Variants in ASIC3 observed in about 807,000 individuals in gnomAD.
ASIC3 encodes acid sensing ion channel subunit 3, also known as acid-sensing ion channel 3.
A neutral mutation model predicts 58.6 loss-of-function variants in ASIC3; 46 were observed. That is an observed-to-expected ratio of 0.79 (90% CI 0.62 to 1.00). The LOEUF (loss-of-function observed/expected upper bound fraction) is 1.00, where lower values mean the gene tolerates loss of function less well. Among genes scored for constraint, ASIC3 ranks in the 50% least tolerant of loss-of-function variants. The probability of loss-of-function intolerance (pLI) is 0.00; values close to 1 mark genes in which losing one functional copy is unlikely to be tolerated. For missense variants in ASIC3, 770 were observed against 735.0 expected (o/e 1.05, Z -0.55); for synonymous variants, 336 against 300.2 (o/e 1.12, Z -1.23).
In ASIC3 at chr7:151,051,289, G is replaced by C; in HGVS notation, c.1184G>C (p.Arg395Pro). 6.6e-7 allele frequency: 1 copy of C among 1,524,058 alleles called. No individual in the cohort carries two copies. The highest frequency in any genetic ancestry group is 1.2e-5 in the South Asian group (1 of 82,602). The allele number at this position is 1,524,058 out of a possible 1,614,324, so 94.4% of individuals were successfully genotyped here. A position where few individuals can be genotyped will look rare whatever the true frequency, so the allele number is the denominator to read the frequency against. Residue 395 changes from arginine to proline, a missense_variant, in exon 6 of 11, where the codon CGG (arginine) becomes CCG (proline). By Grantham distance (103) the Arg-to-Pro change is moderately radical (BLOSUM62 -2). Transcript: ENST00000349064. ...PSRAAARFLARKLNRSEAYIA... is the reference protein window; with the variant it reads ...PSRAAARFLAPKLNRSEAYIA... Reference sequence around the variant, plus strand: ...CGCGCCGCCGCGCGCTTCCTGGCCCGGAAGCTCAACCGCAGCGAGGCCTAC... The same window carrying C: ...CGCGCCGCCGCGCGCTTCCTGGCCCCGAAGCTCAACCGCAGCGAGGCCTAC...
rs374163546 is a variant in ASIC3, at chr7:151,048,940, G to A, written c.55G>A (p.Val19Met). 3.2e-5 allele frequency: 51 copies of A among 1,582,152 alleles called. No individual in the cohort carries two copies. Among genetic ancestry groups the A allele is most frequent in the African/African-American group, 2.0e-4 (15 of 74,418 alleles). The change falls in exon 1 of 11, where the codon GTG (valine) becomes ATG (methionine). Residue 19 changes from valine to methionine, a missense_variant. Transcript: ENST00000349064. ...EARRPASDIR[V>M]FASNCSMHGL... The stretch of plus-strand genomic sequence containing the variant: ...CCGGCGGCCAGCCTCGGACATCCGC[G>A]TGTTCGCCAGCAACTGCTCGATGCA...
rs780339201 is a variant in ASIC3, at chr7:151,051,269, C to G, written c.1164C>G (p.Ala388=). 4 of 1,530,390 alleles carry G rather than the reference C, an allele frequency of 2.6e-6. No individual in the cohort carries two copies. Among genetic ancestry groups the G allele is most frequent in the Middle Eastern group, 2.0e-4 (1 of 5,012 alleles). The allele number at this position is 1,530,390 out of a possible 1,614,324, so 94.8% of individuals were successfully genotyped here. A position where few individuals can be genotyped will look rare whatever the true frequency, so the allele number is the denominator to read the frequency against. The change falls in exon 6 of 11, where the codon GCC becomes GCG. Residue 388 remains alanine, a synonymous_variant. Coordinates refer to ENST00000349064, the MANE Select transcript of ASIC3 (RefSeq NM_004769.4). ...ELSMVRIPSR[A]AARFLARKLN... ...CCATGGTGCGGATCCCGAGCCGCGCCGCCGCGCGCTTCCTGGCCCGGAAGC... is the reference window on the plus strand; with the variant it reads ...CCATGGTGCGGATCCCGAGCCGCGCGGCCGCGCGCTTCCTGGCCCGGAAGC...
rs115179904 is a variant in ASIC3, at chr7:151,051,873, G to T, written c.1278G>T (p.Lys426Asn). Residue 426 changes from lysine (K) to asparagine (N), a missense_variant, in exon 7 of 11, where the codon AAG becomes AAT. By Grantham distance (94) the Lys-to-Asn change is moderately conservative. Coordinates refer to ENST00000349064, the MANE Select transcript of ASIC3 (RefSeq NM_004769.4). ...TCAACTATGAGACCGTGGAGCAGAA[G>T]AAGGCCTATGAGATGTCAGAGCTGC... ...EALNYETVEQ[K>N]KAYEMSELLG... 5.6e-6 allele frequency: 9 copies of T among 1,613,926 alleles called. No homozygotes were observed. In the Admixed American group the frequency reaches 8.3e-5, roughly 15 times the overall value.
At position 151,052,205 on chromosome 7, in the gene ASIC3, C is replaced by G; in HGVS notation, c.1426C>G (p.Gln476Glu). 1 of 1,614,092 alleles carries G rather than the reference C, an allele frequency of 6.2e-7. No homozygotes were observed. The highest frequency in any genetic ancestry group is 1.1e-5 in the South Asian group (1 of 91,078). ...GGTCCTGGGATATTTCTGGAACCGA[C>G]AGCACTCCCAAAGGCACTCCAGCAC... ...DKVLGYFWNR[Q>E]HSQRHSSTNL... The change falls in exon 9 of 11, where the codon CAG becomes GAG. Residue 476 changes from glutamine to glutamate, a missense_variant. By Grantham distance (29) the Gln-to-Glu change is conservative. Coordinates refer to ENST00000349064, the MANE Select transcript of ASIC3 (RefSeq NM_004769.4). The surrounding 1 kb of genome is among the most constrained non-coding windows in gnomAD (Gnocchi z 5.0).
Position 151,052,579 on chromosome 7 carries a change from C to A in ASIC3, c.1523C>A (p.Pro508His), listed in dbSNP as rs767321824. Residue 508 changes from proline to histidine, a missense_variant, in exon 11 of 11, where the codon CCC (proline) becomes CAC (histidine). Pro to His is a moderately conservative substitution (Grantham distance 77, BLOSUM62 -2). Coordinates refer to ENST00000349064, the MANE Select transcript of ASIC3 (RefSeq NM_004769.4). The surrounding 1 kb of genome is among the most constrained non-coding windows in gnomAD (Gnocchi z 5.0). The stretch of plus-strand genomic sequence containing the variant: ...CACTCTGCTCTGTTCCGAAGACCTC[C>A]CACCCCTCCCTGTGCCGTCACCAAG... ...VPHLSLGPRPPTPPCAVTKTL... is the reference protein window; with the variant it reads ...VPHLSLGPRPHTPPCAVTKTL... The A allele has an allele frequency of 1.2e-6, 2 of 1,613,976 alleles. No homozygotes were observed. Among genetic ancestry groups the A allele is most frequent in the Admixed American group, 3.3e-5 (2 of 60,002 alleles).
Position 151,052,100 on chromosome 7 carries a change from G to A in ASIC3, c.1386+38G>A, listed in dbSNP as rs370096272. The A allele has an allele frequency of 1.9e-5, 31 of 1,612,382 alleles. No individual in the cohort carries two copies. Among genetic ancestry groups the A allele is most frequent in the Admixed American group, 5.0e-5 (3 of 59,984 alleles). ...CCCCACTGCAGGGGGTGGGAGGTGGGAATCAGGGCCCCTAGGATGAGGGGG... is the reference window on the plus strand; with the variant it reads ...CCCCACTGCAGGGGGTGGGAGGTGGAAATCAGGGCCCCTAGGATGAGGGGG... On this transcript the variant is annotated intron_variant, in intron 8 of 10. Coordinates refer to ENST00000349064, the MANE Select transcript of ASIC3 (RefSeq NM_004769.4). The surrounding 1 kb of genome is among the most constrained non-coding windows in gnomAD (Gnocchi z 5.0).
rs1796798969 is a variant in ASIC3 at position 151,052,160 on chromosome 7, C to T, written c.1387-6C>T. 4 of 1,613,922 alleles carry T rather than the reference C, an allele frequency of 2.5e-6. No homozygotes were observed. Among genetic ancestry groups the T allele is most frequent in the Non-Finnish European group, 3.4e-6 (4 of 1,179,982 alleles). On this transcript the variant is annotated splice_region_variant and splice_polypyrimidine_tract_variant and intron_variant, in intron 8 of 10. Transcript: ENST00000349064. This position sits in a 1 kb window ranked among gnomAD's most constrained non-coding sequence, Gnocchi z 5.0. ...ACTGGCCACCTCCCATCCTGCTTGC[C>T]TCCAGGTGTTCCGAGACAAGGTCCT...
rs777603969 is a variant in ASIC3, at chr7:151,049,339, C to T, written c.454C>T (p.Arg152Cys). ...CTTTGACATGGCGCAACTCTATGCCCGTGCTGGGCACTCCCTGGATGACAT... is the reference window on the plus strand; with the variant it reads ...CTTTGACATGGCGCAACTCTATGCCTGTGCTGGGCACTCCCTGGATGACAT... The part of the protein sequence containing the change: ...PTFDMAQLYA[R>C]AGHSLDDMLL... The change falls in exon 1 of 11, where the codon CGT becomes TGT. Residue 152 changes from arginine to cysteine, a missense_variant. Coordinates refer to ENST00000349064, the MANE Select transcript of ASIC3 (RefSeq NM_004769.4). 105 of 1,612,892 alleles carry T rather than the reference C, an allele frequency of 6.5e-5. No homozygotes were observed. Among genetic ancestry groups the T allele is most frequent in the South Asian group, 4.8e-4 (44 of 91,068 alleles).
At chr7:151,051,580 GGGGGA>G (rs1335837166) in intron 6 of ASIC3, among the ~76,000 whole-genome samples, 8 of 151,020 alleles carry the variant, frequency 5.3e-5, no homozygotes, top group South Asian at 4.2e-4. Flanking sequence ...GGCGGGGGGC[GGGGGA>G]GGGGAGGGGA....
intron 6 of ASIC3, 40 bp downstream of exon 6, chr7:151,051,359 G>A (rs904418739): frequency 1.4e-6 from 2 of 1,436,008 alleles, no homozygotes; most frequent in Admixed American, 6.1e-5. Context: ...CGAGCCGGGG[G>A]CTCCCGACGG....
rs1796802970 is a variant in ASIC3, at chr7:151,052,361, C to A, written c.1459-55C>A. On this transcript the variant is annotated intron_variant, in intron 9 of 10. Transcript: ENST00000349064. The surrounding 1 kb of genome is among the most constrained non-coding windows in gnomAD (Gnocchi z 5.0). The stretch of plus-strand genomic sequence containing the variant: ...GCAGGAGGGTGTGCAGTGACCTCGA[C>A]TGGTCCCTGGGAGGAGGACCACTCC... 8 of 1,613,022 alleles carry A rather than the reference C, an allele frequency of 5.0e-6. No individual in the cohort carries two copies. Among genetic ancestry groups the A allele is most frequent in the Non-Finnish European group, 6.8e-6 (8 of 1,179,694 alleles).
At position 151,048,900 on chromosome 7, in the gene ASIC3, A is replaced by G. The variant is rs773323287; in HGVS notation, c.15A>G (p.Ser5=). The change falls in exon 1 of 11, where the codon TCA becomes TCG. Residue 5 remains serine, a synonymous_variant. Coordinates refer to ENST00000349064, the MANE Select transcript of ASIC3 (RefSeq NM_004769.4). MKPT[S]GPEEARRPAS... ...GGGTTCTGGCCATGAAGCCCACCTC[A>G]GGCCCAGAGGAGGCCCGGCGGCCAG... The G allele has an allele frequency of 1.3e-6, 2 of 1,553,254 alleles. No individual in the cohort carries two copies. Among genetic ancestry groups the G allele is most frequent in the Admixed American group, 3.6e-5 (2 of 54,938 alleles).
chr7:151,051,715 T>G, intron 6 of ASIC3, 95 bp from the exon 7 acceptor site: 3 of 1,300,850 alleles, frequency 2.3e-6, no homozygotes, highest in Non-Finnish European at 3.3e-6. Flanking sequence ...TCTCCCAGGG[T>G]TCTTGAAAGG....
At position 151,050,861 on chromosome 7, in the gene ASIC3, C is replaced by T. The variant is rs201646704; in HGVS notation, c.917C>T (p.Pro306Leu). ...CCCCTAGGCTCCCCCAGCCCCAGCC[C>T]CAGCCCTCCCTATACCCTTATGGGG... ...SDPLGSPSPS[P>L]SPPYTLMGCR... Residue 306 changes from proline (P) to leucine (L), a missense_variant, in exon 4 of 11, where the codon CCC (proline) becomes CTC (leucine). Transcript: ENST00000349064. 1 of 1,613,330 alleles carries T rather than the reference C, an allele frequency of 6.2e-7. No individual in the cohort carries two copies. The highest frequency in any genetic ancestry group is 1.7e-5 in the Admixed American group (1 of 60,010).
In ASIC3 at chr7:151,052,753, C is replaced by T. The variant is rs761211712; in HGVS notation, c.*101C>T. 6.2e-7 allele frequency: 1 copy of T among 1,612,014 alleles called. No homozygotes were observed. The highest frequency in any genetic ancestry group is 2.2e-5 in the East Asian group (1 of 44,814). On this transcript the variant is annotated 3_prime_UTR_variant, in exon 11 of 11. Transcript: ENST00000349064. This position sits in a 1 kb window ranked among gnomAD's most constrained non-coding sequence, Gnocchi z 5.0. ...CACCCCAAATAAAGTCCTAATGCAT[C>T]AGCCTCAGCTGTTTCTCTTACAGGG...
rs946957463 is a variant in ASIC3 at position 151,052,321 on chromosome 7, G to T, written c.1458+84G>T. On this transcript the variant is annotated intron_variant, in intron 9 of 10. Coordinates refer to ENST00000349064, the MANE Select transcript of ASIC3 (RefSeq NM_004769.4). The surrounding 1 kb of genome is among the most constrained non-coding windows in gnomAD (Gnocchi z 5.0). ...AAGCCTAGACCACCATCCCGCCCCA[G>T]CTGAGGAGAAACAGGCAGGAGGGTG... 32 of 1,612,538 alleles carry T rather than the reference G, an allele frequency of 2.0e-5. No homozygotes were observed. The highest frequency in any genetic ancestry group is 2.6e-5 in the Non-Finnish European group (31 of 1,179,326).
rs548026567 is a variant in ASIC3 at position 151,051,288 on chromosome 7, C to T, written c.1183C>T (p.Arg395Trp). ...CCGCGCCGCCGCGCGCTTCCTGGCC[C>T]GGAAGCTCAACCGCAGCGAGGCCTA... ...PSRAAARFLA[R>W]KLNRSEAYIA... Residue 395 changes from arginine to tryptophan, a missense_variant, in exon 6 of 11, where the codon CGG becomes TGG. By Grantham distance (101) the Arg-to-Trp change is moderately radical (BLOSUM62 -3). Transcript: ENST00000349064. The T allele has an allele frequency of 6.1e-5, 93 of 1,523,858 alleles. No individual in the cohort carries two copies. In the Middle Eastern group the frequency reaches 6.4e-4, roughly 10 times the overall value. 94.4% of individuals were successfully genotyped at this position (1,523,858 alleles called of 1,614,324 possible).
Position 151,050,846 on chromosome 7 carries a change from C to T in ASIC3, c.902C>T (p.Ser301Phe). Residue 301 changes from serine to phenylalanine, a missense_variant, in exon 4 of 11, where the codon TCC (serine) becomes TTC (phenylalanine). Coordinates refer to ENST00000349064, the MANE Select transcript of ASIC3 (RefSeq NM_004769.4). ...CCAGAGCCCTCTGATCCCCTAGGCT[C>T]CCCCAGCCCCAGCCCCAGCCCTCCC... ...YEPEPSDPLGSPSPSPSPPYT... is the reference protein window; with the variant it reads ...YEPEPSDPLGFPSPSPSPPYT... 4 of 1,612,922 alleles carry T rather than the reference C, an allele frequency of 2.5e-6. No homozygotes were observed. Among genetic ancestry groups the T allele is most frequent in the Non-Finnish European group, 3.4e-6 (4 of 1,179,598 alleles).
intron 6 of ASIC3, 122 bp from the exon 7 acceptor site, chr7:151,051,688 A>G: frequency 1.0e-6 from 1 of 1,003,008 alleles, no homozygotes; most frequent in Non-Finnish European, 1.5e-6. Context: ...TACAGGTGTG[A>G]GCCACCGTGC....
Sources: allele counts gnomAD v4.1 joint callset (sites outside exome capture counted in the v4.1 genomes callset), GRCh38; gene constraint gnomAD v4.1.1; non-coding constraint Gnocchi (gnomAD v3.1); transcripts MANE v1.5; gene names NCBI Gene and HGNC (gene_info 2026-07-23, HGNC 2026-07-21).